CACNA2D1: variants seen among roughly 807,000 people sequenced by gnomAD.
The protein encoded by CACNA2D1 is calcium voltage-gated channel auxiliary subunit alpha2delta 1, also known as voltage-dependent calcium channel subunit alpha-2/delta-1.
A neutral mutation model predicts 171.5 loss-of-function variants in CACNA2D1; 53 were observed. The ratio of observed to expected loss-of-function variants is 0.31; its 90% CI spans 0.25 to 0.39. The LOEUF is 0.39. Among genes scored for constraint, CACNA2D1 ranks in the 10% least tolerant of loss-of-function variants. CACNA2D1 has a pLI of 1.00. For missense variants in CACNA2D1, 903 were observed against 1,299.8 expected, an observed-to-expected ratio of 0.69 and a Z score of 4.69; for synonymous variants, 442 against 443.1, an observed-to-expected ratio of 1.00 and a Z score of 0.03.
chr7:82,284,603 T>A (rs1304043407), intron 3 of CACNA2D1, among the ~76,000 whole-genome samples: 3 of 152,176 alleles, frequency 2.0e-5, no homozygotes, highest in Non-Finnish European at 4.4e-5. Flanking sequence ...TGGCACCTAG[T>A]TACTGAGTCC....
chr7:82,332,565 A>AGAAAGAAAGAAAGAAAGAAG (rs1491481168), intron 3 of CACNA2D1, among the ~76,000 whole-genome samples: 1 of 109,256 alleles, frequency 9.2e-6, no homozygotes, highest in African/African-American at 3.0e-5. Context: ...AAAGAAAGAA[A>AGAAAGAAAGAAAGAAAGAAG]GAACGAACAG....
At chr7:82,179,168 G>T (rs774838241) in intron 3 of CACNA2D1, among the ~76,000 whole-genome samples, 5 of 152,014 alleles carry the variant, frequency 3.3e-5, no homozygotes, top group Non-Finnish European at 7.4e-5. Flanking sequence ...AAGTGGCAAG[G>T]ATACACCCTA....
intron 18 of CACNA2D1, among the ~76,000 whole-genome samples, chr7:82,002,262 C>T (rs1181111417): frequency 6.6e-6 from 1 of 151,968 alleles, no homozygotes; most frequent in Non-Finnish European, 1.5e-5. Flanking sequence ...ACGTCTCACC[C>T]CTTCTCCTCC....
chr7:82,023,686 A>G (rs139073320), intron 12 of CACNA2D1, among the ~76,000 whole-genome samples: 68 of 151,766 alleles, frequency 4.5e-4, no homozygotes, highest in African/African-American at 1.6e-3. Context: ...CTATGGTGAG[A>G]TCTACCATCC....
intron 4 of CACNA2D1, among the ~76,000 whole-genome samples, chr7:82,142,169 G>T (rs258717): frequency 6.6e-6 from 1 of 151,998 alleles, no homozygotes; most frequent in African/African-American, 2.4e-5. Flanking sequence ...TAATTTAAGC[G>T]CCACCAGATG....
rs556583764 is a variant in CACNA2D1, at chr7:82,323,781, T to C, written c.294+11354A>G. Among the ~76,000 whole-genome samples, 5 of 152,302 alleles carry C rather than the reference T, an allele frequency of 3.3e-5. No individual in the cohort carries two copies. In the South Asian group the frequency reaches 1.0e-3, roughly 32 times the overall value. ...ACCAGAACATAAATTTTACATTAGA[T>C]AGTGCTTTCTGATCCTAAAGCCAAC... is the stretch of plus-strand genomic sequence containing the variant. On this transcript the variant is annotated intron_variant, in intron 3 of 38. Coordinates refer to ENST00000356860, the MANE Select transcript of CACNA2D1 (RefSeq NM_000722.4).
At chr7:82,205,644 C>T (rs190933932) in intron 3 of CACNA2D1, among the ~76,000 whole-genome samples, 19 of 152,226 alleles carry the variant, frequency 1.2e-4, no homozygotes, top group Admixed American at 3.3e-4. Flanking sequence ...ATTAGAATAT[C>T]CTAGAAGAAT....
chr7:81,976,456 A>T (rs968979109), intron 24 of CACNA2D1, among the ~76,000 whole-genome samples: 9 of 152,144 alleles, frequency 5.9e-5, no homozygotes, highest in Non-Finnish European at 8.8e-5. Flanking sequence ...GAGGTCCTTC[A>T]CACACATCCC....
At chr7:82,336,499 CAT>C (rs1230874049) in intron 2 of CACNA2D1, among the ~76,000 whole-genome samples, 1 of 152,110 alleles carries the variant, frequency 6.6e-6, no homozygotes, top group Non-Finnish European at 1.5e-5. Flanking sequence ...TTACCATACT[CAT>C]GTGAACTTTG....
At position 82,079,490 on chromosome 7, in the gene CACNA2D1, G is replaced by A. The variant is rs111393968; in HGVS notation, c.658+5279C>T. ...GTGGATCACCTGAGGTCAGGACTTC[G>A]AGACCAGCCTTGCCAACATGGAGAA... On this transcript the variant is annotated intron_variant, in intron 7 of 38. Transcript: ENST00000356860. 8.5e-3 allele frequency among the ~76,000 whole-genome samples: 1,289 copies of A among 152,040 alleles called. 10 individuals are homozygous for A. The highest frequency in any genetic ancestry group is 0.013 in the Non-Finnish European group (887 of 67,958).
At chr7:82,354,763 T>C (rs1291802089) in intron 1 of CACNA2D1, among the ~76,000 whole-genome samples, 1 of 152,094 alleles carries the variant, frequency 6.6e-6, no homozygotes, top group East Asian at 1.9e-4. Context: ...TTACTAGTAC[T>C]AGTCTGAAGA....
chr7:82,135,584 A>G (rs762800775), intron 5 of CACNA2D1, among the ~76,000 whole-genome samples: 1 of 152,110 alleles, frequency 6.6e-6, no homozygotes, highest in African/African-American at 2.4e-5. Flanking sequence ...AGTTGTGTAA[A>G]GTGGTTAGTA....
chr7:82,261,251 G>A (rs757277986), intron 3 of CACNA2D1, among the ~76,000 whole-genome samples: 2 of 152,104 alleles, frequency 1.3e-5, no homozygotes, highest in Non-Finnish European at 2.9e-5. Context: ...CGCCGCACCC[G>A]GCCTGGACCA....
At chr7:82,001,023 A>G (rs2130830344) in intron 18 of CACNA2D1, among the ~76,000 whole-genome samples, 1 of 151,904 alleles carries the variant, frequency 6.6e-6, no homozygotes, top group East Asian at 1.9e-4. Flanking sequence ...TTCTCTTGCT[A>G]AGCTATAGGA....
chr7:82,306,412 G>T (rs1813742047), intron 3 of CACNA2D1, among the ~76,000 whole-genome samples: 1 of 152,166 alleles, frequency 6.6e-6, no homozygotes, highest in African/African-American at 2.4e-5. Flanking sequence ...AGAAGAAATT[G>T]TGTCTTAAGA....
chr7:82,194,229 C>T (rs1798628201), intron 3 of CACNA2D1, among the ~76,000 whole-genome samples: 1 of 152,012 alleles, frequency 6.6e-6, no homozygotes. Context: ...TTATCATAAG[C>T]AACCTCCAGT....
intron 3 of CACNA2D1, among the ~76,000 whole-genome samples, chr7:82,310,216 C>T (rs140725280): frequency 7.9e-5 from 12 of 151,738 alleles, no homozygotes; most frequent in Non-Finnish European, 1.2e-4. Flanking sequence ...ATTAAGGTTA[C>T]TAAGAGTTAA....
At chr7:81,973,277 C>G (rs37073) in intron 25 of CACNA2D1, among the ~76,000 whole-genome samples, 109,057 of 151,834 alleles carry the variant, frequency 0.72, 39,262 homozygotes, top group Non-Finnish European at 0.75. Context: ...TTCAAAGGCA[C>G]TGGCTCAGTC....
chr7:82,087,553 A>G (rs1810622811), intron 6 of CACNA2D1, among the ~76,000 whole-genome samples: 2 of 79,478 alleles, frequency 2.5e-5, no homozygotes, highest in South Asian at 5.2e-4. Flanking sequence ...ATAATATTGA[A>G]AGCAGCTAAA....
Sources: gnomAD v4.1 joint callset for allele counts (sites outside exome capture counted in the v4.1 genomes callset) on GRCh38, gnomAD v4.1.1 for gene constraint, MANE v1.5 for transcripts, NCBI Gene and HGNC (gene_info 2026-07-23, HGNC 2026-07-21) for gene names.